The following SLAIN2 variants were observed in gnomAD, a reference collection of about 807,000 sequenced individuals.
SLAIN2 encodes SLAIN motif-containing protein 2.
Under a neutral mutation model 56.6 loss-of-function variants are expected in SLAIN2, and 31 were observed. The observed-to-expected ratio is 0.55, with a 90% CI of 0.41 to 0.74. SLAIN2 has a LOEUF of 0.74. SLAIN2 is among the 30% of genes least tolerant of loss of function. The pLI, the probability that SLAIN2 is intolerant of heterozygous loss-of-function variation, is 0.00. For missense variants in SLAIN2, 777 were observed against 754.2 expected (o/e 1.03, Z -0.35); for synonymous variants, 317 against 284.9 (o/e 1.11, Z -1.13).
At chr4:48,387,595 A>G (rs993134965) in intron 6 of SLAIN2, 4 of 151,930 alleles carry the variant, frequency 2.6e-5, no homozygotes, top group African/African-American at 7.2e-5. Context: ...AGTAAAGCTT[A>G]TAATTAAAAT....
At chr4:48,362,507 C>G (rs1401358751) in intron 1 of SLAIN2, among the ~76,000 whole-genome samples, 2 of 111,064 alleles carry the variant, frequency 1.8e-5, no homozygotes, top group Admixed American at 9.0e-5. Flanking sequence ...CAACCTCTGA[C>G]TCCTAGGTTC....
rs371673577 is a variant in SLAIN2, at chr4:48,383,652, C to G, written c.1228C>G (p.Leu410Val). Residue 410 changes from leucine (L) to valine (V), a missense_variant, in exon 6 of 8, where the codon CTA becomes GTA. Physicochemically the swap from Leu to Val is conservative, Grantham distance 32. Coordinates refer to ENST00000264313, the MANE Select transcript of SLAIN2 (RefSeq NM_020846.2). ...AAATTAAAATTCTGTTGCAGAAAAA[C>G]TAAGACGCAGTCTTCCAAACCTGTC... ...QTSNVKNEEK[L>V]RRSLPNLSRT... 1.7e-5 allele frequency: 27 copies of G among 1,551,536 alleles called. No individual in the cohort carries two copies. Among genetic ancestry groups the G allele is most frequent in the Non-Finnish European group, 2.3e-5 (26 of 1,144,482 alleles).
intron 6 of SLAIN2, among the ~76,000 whole-genome samples, chr4:48,396,432 A>T (rs1353320619): frequency 1.3e-5 from 2 of 152,224 alleles, no homozygotes; most frequent in Non-Finnish European, 2.9e-5. Context: ...AAATGGACAC[A>T]GATATAAGGT....
intron 2 of SLAIN2, among the ~76,000 whole-genome samples, chr4:48,373,489 T>A (rs1386245494): frequency 2.0e-5 from 3 of 152,146 alleles, no homozygotes; most frequent in Non-Finnish European, 4.4e-5. Flanking sequence ...ATTCAAATAA[T>A]TTTTAATGCA....
chr4:48,378,095 G>A, intron 3 of SLAIN2, 35 bp downstream of exon 3: 1 of 1,596,274 alleles, frequency 6.3e-7, no homozygotes, highest in Non-Finnish European at 8.5e-7. Context: ...ATTAAGGAAT[G>A]TTTTTTAGCT....
At chr4:48,402,257 G>T in intron 6 of SLAIN2, among the ~76,000 whole-genome samples, 1 of 149,098 alleles carries the variant, frequency 6.7e-6, no homozygotes, top group African/African-American at 2.5e-5. Flanking sequence ...ATGTGTCTTT[G>T]GGTTGGTCTT....
rs1269430539 is a variant in SLAIN2, at chr4:48,344,820, T to C, written c.389+2692T>C. Among the ~76,000 whole-genome samples, 9 of 152,260 alleles carry C rather than the reference T, an allele frequency of 5.9e-5. No homozygotes were observed. In the South Asian group the frequency reaches 1.0e-3, roughly 18 times the overall value. On this transcript the variant is annotated intron_variant, in intron 1 of 7. Transcript: ENST00000264313. ...TTGATTACTTTTACTACAAGTGGTA[T>C]GCTTGGATATTTTCCGCTCTATTCT... is the stretch of plus-strand genomic sequence containing the variant.
At chr4:48,414,550 A>ATTTTT (rs36222817) in intron 6 of SLAIN2, among the ~76,000 whole-genome samples, 13 of 136,942 alleles carry the variant, frequency 9.5e-5, no homozygotes, top group South Asian at 2.2e-4. Flanking sequence ...TTGGTGTGGT[A>ATTTTT]TTTTTTTTTT....
chr4:48,383,126 C>G (rs1006545855), intron 5 of SLAIN2, among the ~76,000 whole-genome samples, 199 bp downstream of exon 5: 9 of 146,018 alleles, frequency 6.2e-5, no homozygotes, highest in Non-Finnish European at 1.2e-4. Flanking sequence ...TGTGATCACA[C>G]CATTACACTC....
chr4:48,368,309 C>G (rs1715579027), intron 1 of SLAIN2, among the ~76,000 whole-genome samples: 1 of 152,104 alleles, frequency 6.6e-6, no homozygotes, highest in Non-Finnish European at 1.5e-5. Flanking sequence ...GATCCACCTG[C>G]CTTGGCCTCC....
At chr4:48,410,258 T>C (rs1397011998) in intron 6 of SLAIN2, among the ~76,000 whole-genome samples, 1 of 151,882 alleles carries the variant, frequency 6.6e-6, no homozygotes, top group Non-Finnish European at 1.5e-5. Flanking sequence ...TCTATTCAAA[T>C]TCTTTGTCTC....
chr4:48,371,971 TACACACAC>T (rs35354568), intron 2 of SLAIN2, among the ~76,000 whole-genome samples: 12 of 148,002 alleles, frequency 8.1e-5, no homozygotes, highest in South Asian at 2.1e-4. Flanking sequence ...AAAAAGTATA[TACACACAC>T]ACACACACAC....
chr4:48,377,484 A>G (rs2109758995), intron 2 of SLAIN2, among the ~76,000 whole-genome samples: 1 of 151,980 alleles, frequency 6.6e-6, no homozygotes, highest in Non-Finnish European at 1.5e-5. Flanking sequence ...TGGCCCAAAG[A>G]ATATTTTTTA....
At chr4:48,355,380 A>G (rs1379380054) in intron 1 of SLAIN2, among the ~76,000 whole-genome samples, 1 of 152,212 alleles carries the variant, frequency 6.6e-6, no homozygotes, top group Admixed American at 6.5e-5. Flanking sequence ...ATAAAATTAT[A>G]TAGAAATTGG....
intron 2 of SLAIN2, among the ~76,000 whole-genome samples, chr4:48,372,792 A>G (rs1429377839): frequency 6.6e-6 from 1 of 152,248 alleles, no homozygotes; most frequent in East Asian, 1.9e-4. Flanking sequence ...TACAATGTAT[A>G]TTTGAAATAT....
At chr4:48,383,044 T>A in intron 5 of SLAIN2, 117 bp downstream of exon 5, 1 of 1,092,124 alleles carries the variant, frequency 9.2e-7, no homozygotes, top group Non-Finnish European at 1.3e-6. Flanking sequence ...GGTGCACATC[T>A]ATAGTCCTAG....
chr4:48,348,676 C>G (rs1375375624), intron 1 of SLAIN2, among the ~76,000 whole-genome samples: 1 of 128,972 alleles, frequency 7.8e-6, no homozygotes, highest in Non-Finnish European at 1.6e-5. Flanking sequence ...GGCGACAGAG[C>G]AAGACTCTGT....
chr4:48,374,923 A>G (rs867153749), intron 2 of SLAIN2, among the ~76,000 whole-genome samples: 9 of 152,232 alleles, frequency 5.9e-5, no homozygotes, highest in Admixed American at 1.3e-4. Context: ...TGCGAAGATC[A>G]TGAGTTGATC....
At chr4:48,372,839 A>T (rs575808660) in intron 2 of SLAIN2, among the ~76,000 whole-genome samples, 13 of 152,346 alleles carry the variant, frequency 8.5e-5, no homozygotes. Context: ...TTTGGCTTTT[A>T]CAAGTTTGAA....
Sources: gnomAD v4.1 joint callset for allele counts (sites outside exome capture counted in the v4.1 genomes callset) on GRCh38, gnomAD v4.1.1 for gene constraint, MANE v1.5 for transcripts, NCBI Gene and HGNC (gene_info 2026-07-23, HGNC 2026-07-21) for gene names.